Variants in TBCK observed in about 807,000 individuals in gnomAD.
The protein encoded by TBCK is TBC domain-containing protein kinase-like protein.
In TBCK, 99 loss-of-function variants were observed where a neutral mutation model predicts 113.4. The observed-to-expected ratio is 0.87, with a 90% confidence interval of 0.74 to 1.03. The LOEUF is 1.03. Ranked by LOEUF, TBCK falls within the 50% of genes least tolerant of loss-of-function variation. TBCK has a pLI of 0.00. For synonymous variants in TBCK, 369 were observed against 370.8 expected (o/e 1.00, Z 0.05); for missense variants, 1,045 against 1,061.3 (o/e 0.98, Z 0.21).
At chr4:106,258,276 T>C (rs1579423047) in intron 5 of TBCK, among the ~76,000 whole-genome samples, 1 of 152,212 alleles carries the variant, frequency 6.6e-6, no homozygotes, top group East Asian at 1.9e-4. Context: ...AATAAGGTAT[T>C]AAGCTACTGG....
intron 23 of TBCK, among the ~76,000 whole-genome samples, chr4:106,122,307 C>G (rs933976821): frequency 4.6e-5 from 7 of 152,160 alleles, no homozygotes; most frequent in Non-Finnish European, 8.8e-5. Flanking sequence ...CACATACACT[C>G]TCCCAAGACT....
intron 25 of TBCK, among the ~76,000 whole-genome samples, chr4:106,084,949 A>AAAAACAAAAC (rs1400943139): frequency 6.6e-6 from 1 of 152,212 alleles, no homozygotes; most frequent in Non-Finnish European, 1.5e-5. Context: ...TAAAAATGGA[A>AAAAACAAAAC]AAAACAAAAC....
intron 22 of TBCK, among the ~76,000 whole-genome samples, chr4:106,171,528 A>C (rs761758253): frequency 6.6e-6 from 1 of 152,116 alleles, no homozygotes; most frequent in Non-Finnish European, 1.5e-5. Context: ...TTTTACTTGG[A>C]ATTATCTACA....
chr4:106,281,303 ATTTT>A (rs34073910), intron 3 of TBCK, among the ~76,000 whole-genome samples: 9 of 148,250 alleles, frequency 6.1e-5, no homozygotes, highest in African/African-American at 1.5e-4. Flanking sequence ...ACTTCTAATC[ATTTT>A]TTTTTTTGGT....
chr4:106,237,352 T>C (rs894770527), intron 12 of TBCK: 2 of 316,706 alleles, frequency 6.3e-6, no homozygotes, highest in East Asian at 1.9e-4. Context: ...AATGACAAAA[T>C]CATTTTAATA....
chr4:106,250,670 T>A (rs2150061646), intron 6 of TBCK, among the ~76,000 whole-genome samples, 192 bp from the exon 7 acceptor site: 1 of 152,168 alleles, frequency 6.6e-6, no homozygotes, highest in East Asian at 1.9e-4. Context: ...AAGTGTTGCA[T>A]AATAGTTATC....
chr4:106,187,014 T>C (rs116544217), intron 22 of TBCK, among the ~76,000 whole-genome samples: 2,587 of 152,288 alleles, frequency 0.017, 34 homozygotes, highest in Middle Eastern at 0.088. Context: ...TCACTGCTTA[T>C]TTTTGTCAAC....
chr4:106,149,349 C>T (rs1195605407), intron 23 of TBCK, among the ~76,000 whole-genome samples: 2 of 152,198 alleles, frequency 1.3e-5, no homozygotes, highest in Admixed American at 6.5e-5. Flanking sequence ...TTTGGGCTAT[C>T]TTGGCTTTTG....
At chr4:106,093,491 G>T (rs900474125) in intron 25 of TBCK, among the ~76,000 whole-genome samples, 9 of 152,124 alleles carry the variant, frequency 5.9e-5, no homozygotes, top group Non-Finnish European at 8.8e-5. Context: ...TGGGCGAAAG[G>T]GCGAGACTCG....
At chr4:106,280,008 A>G (rs1022535413) in intron 3 of TBCK, among the ~76,000 whole-genome samples, 1 of 152,168 alleles carries the variant, frequency 6.6e-6, no homozygotes, top group African/African-American at 2.4e-5. Flanking sequence ...AGGAACCTCC[A>G]AACTGTTCTC....
intron 3 of TBCK, among the ~76,000 whole-genome samples, chr4:106,291,348 A>C (rs1022295486): frequency 6.6e-6 from 1 of 152,248 alleles, no homozygotes; most frequent in Non-Finnish European, 1.5e-5. Flanking sequence ...GAAAGACCCC[A>C]TGATGAGACA....
At chr4:106,105,002 G>A (rs1741973920) in intron 24 of TBCK, among the ~76,000 whole-genome samples, 1 of 152,230 alleles carries the variant, frequency 6.6e-6, no homozygotes, top group African/African-American at 2.4e-5. Flanking sequence ...CCCAACCAGA[G>A]CTATCGAGCC....
intron 12 of TBCK, among the ~76,000 whole-genome samples, chr4:106,240,505 A>C (rs1188732818): frequency 1.3e-5 from 2 of 152,080 alleles, no homozygotes; most frequent in African/African-American, 4.8e-5. Context: ...ACATAAAAAA[A>C]TCAATTGTGT....
At chr4:106,122,133 C>A (rs536667902) in intron 23 of TBCK, among the ~76,000 whole-genome samples, 30 of 151,346 alleles carry the variant, frequency 2.0e-4, no homozygotes, top group African/African-American at 6.5e-4. Flanking sequence ...GCTAGCAAGA[C>A]TAATAAAGAA....
At chr4:106,049,094 T>C (rs757730287) in intron 25 of TBCK, among the ~76,000 whole-genome samples, 2 of 152,166 alleles carry the variant, frequency 1.3e-5, no homozygotes, top group Non-Finnish European at 1.5e-5. Context: ...TGTTAAATAC[T>C]GGCCCCTGGC....
In TBCK at chr4:106,236,390, C is replaced by A; in HGVS notation, c.1350G>T (p.Lys450Asn). Residue 450 changes from lysine (K) to asparagine (N), a missense_variant and splice_region_variant, in exon 14 of 26, where the codon AAG becomes AAT. Coordinates refer to ENST00000394708, the MANE Select transcript of TBCK (RefSeq NM_001163435.3). ...ACACTTTATACTTTAGAATCCATAC[C>A]TTTAGCAGCCTGTCGAAGAGAATAA... ...NRIILFDRLL[K>N]AYPYKKNQIW... 1 of 1,498,284 alleles carries A rather than the reference C, an allele frequency of 6.7e-7. No homozygotes were observed. Among genetic ancestry groups the A allele is most frequent in the Non-Finnish European group, 8.9e-7 (1 of 1,123,582 alleles). The allele number at this position is 1,498,284 out of a possible 1,614,324, so 92.8% of individuals were successfully genotyped here. A position where few individuals can be genotyped will look rare whatever the true frequency, so the allele number is the denominator to read the frequency against.
intron 23 of TBCK, among the ~76,000 whole-genome samples, chr4:106,146,493 T>C (rs1446011726): frequency 6.6e-6 from 1 of 152,186 alleles, no homozygotes; most frequent in South Asian, 2.1e-4. Flanking sequence ...TATTGGGTAC[T>C]GAGCTCAATA....
intron 23 of TBCK, among the ~76,000 whole-genome samples, chr4:106,145,456 A>G (rs578180241): frequency 6.6e-6 from 1 of 152,348 alleles, no homozygotes; most frequent in South Asian, 2.1e-4. Flanking sequence ...ATATTCACAT[A>G]TTAACACCAT....
At chr4:106,232,623 C>G (rs1758992864) in intron 17 of TBCK, among the ~76,000 whole-genome samples, 1 of 151,884 alleles carries the variant, frequency 6.6e-6, no homozygotes, top group Non-Finnish European at 1.5e-5. Flanking sequence ...AGAATCTCAA[C>G]TAGCCCCAAT....
Sources: gnomAD v4.1 joint callset for allele counts (sites outside exome capture counted in the v4.1 genomes callset) on GRCh38, gnomAD v4.1.1 for gene constraint, MANE v1.5 for transcripts, NCBI Gene and HGNC (gene_info 2026-07-23, HGNC 2026-07-21) for gene names.